The following UTRN variants were observed in gnomAD, a reference collection of about 807,000 sequenced individuals.
UTRN encodes the protein dystrophin-related protein 1.
UTRN carries 283 observed loss-of-function variants against 463.9 expected under a neutral mutation model. The ratio of observed to expected loss-of-function variants is 0.61; its 90% CI spans 0.55 to 0.67. The LOEUF (loss-of-function observed/expected upper bound fraction) is 0.67. Among genes scored for constraint, UTRN ranks in the 30% least tolerant of loss-of-function variants. The probability of loss-of-function intolerance (pLI) is 0.00; values close to 1 mark genes in which losing one functional copy is unlikely to be tolerated. For missense variants in UTRN, 3,922 were observed against 4,084.3 expected (o/e 0.96, Z 1.08); for synonymous variants, 1,442 against 1,431.5 (o/e 1.01, Z -0.17).
intron 53 of UTRN, among the ~76,000 whole-genome samples, chr6:144,709,632 A>C (rs377560987): frequency 6.6e-6 from 1 of 152,222 alleles, no homozygotes; most frequent in African/African-American, 2.4e-5. Context: ...TATTTCAAGC[A>C]ACACAATACT....
chr6:144,461,164 A>G, intron 21 of UTRN, 33 bp from the exon 22 acceptor site: 1 of 1,533,224 alleles, frequency 6.5e-7, no homozygotes, highest in Non-Finnish European at 8.8e-7. Context: ...TCCTAATATG[A>G]TTTTTTCAAA....
At chr6:144,657,061 A>AC in intron 51 of UTRN, among the ~76,000 whole-genome samples, 1 of 152,038 alleles carries the variant, frequency 6.6e-6, no homozygotes, top group South Asian at 2.1e-4. Flanking sequence ...GACCAGCCTG[A>AC]CGAACATGGA....
chr6:144,753,347 G>C (rs1195522189), intron 56 of UTRN, among the ~76,000 whole-genome samples: 1 of 152,190 alleles, frequency 6.6e-6, no homozygotes, highest in Non-Finnish European at 1.5e-5. Context: ...AGGCATGGGG[G>C]CTCTTGCCTG....
chr6:144,389,599 T>A (rs1329413700), intron 2 of UTRN, among the ~76,000 whole-genome samples: 2 of 147,470 alleles, frequency 1.4e-5, no homozygotes, highest in African/African-American at 5.2e-5. Context: ...TTCATTACTC[T>A]TTTTTTTTTC....
At chr6:144,518,410 C>T (rs1795816713) in intron 39 of UTRN, among the ~76,000 whole-genome samples, 1 of 152,210 alleles carries the variant, frequency 6.6e-6, no homozygotes, top group Admixed American at 6.5e-5. Context: ...GCTGTCACTT[C>T]CCATGTAGTA....
At chr6:144,847,809 C>G (rs1411177205) in intron 74 of UTRN, among the ~76,000 whole-genome samples, 3 of 152,170 alleles carry the variant, frequency 2.0e-5, no homozygotes, top group Non-Finnish European at 4.4e-5. Context: ...TTGTGTGACT[C>G]AGTTCCCACT....
At chr6:144,821,584 CA>C (rs1212519475) in intron 66 of UTRN, among the ~76,000 whole-genome samples, 1 of 151,648 alleles carries the variant, frequency 6.6e-6, no homozygotes, top group African/African-American at 2.4e-5. Flanking sequence ...AAAATTTATT[CA>C]AAGTGTATAA....
intron 12 of UTRN, 100 bp from the exon 13 acceptor site, chr6:144,440,252 G>A: frequency 1.7e-6 from 2 of 1,185,990 alleles, no homozygotes; most frequent in Non-Finnish European, 2.4e-6. Flanking sequence ...TAAATATGAT[G>A]CCTCATTAAC....
At position 144,519,320 on chromosome 6, in the gene UTRN, A is replaced by C. The variant is rs140860337; in HGVS notation, c.5541+2372A>C. 8.6e-3 allele frequency among the ~76,000 whole-genome samples: 1,306 copies of C among 152,236 alleles called. 8 individuals carry two copies. Among genetic ancestry groups the C allele is most frequent in the Middle Eastern group, 0.037 (11 of 294 alleles). ...TCAGGGGTTTCTGTTTTGGGATCTA[A>C]AAAGTTTTCATCCTCCAGAAAGTTG... On this transcript the variant is annotated intron_variant, in intron 39 of 74. Coordinates refer to ENST00000367545, the MANE Select transcript of UTRN (RefSeq NM_007124.3).
intron 52 of UTRN, among the ~76,000 whole-genome samples, chr6:144,683,879 T>C (rs1319177686): frequency 6.6e-6 from 1 of 152,076 alleles, no homozygotes; most frequent in African/African-American, 2.4e-5. Flanking sequence ...AGAGGGACAA[T>C]TGCCAGCCTC....
chr6:144,479,900 C>A lies in UTRN; in HGVS notation c.3425C>A (p.Thr1142Asn). The change falls in exon 26 of 75, where the codon ACC (threonine) becomes AAC (asparagine). Residue 1142 changes from threonine (T) to asparagine (N), a missense_variant. Coordinates refer to ENST00000367545, the MANE Select transcript of UTRN (RefSeq NM_007124.3). ...KDLAEMQEWM[T>N]QAEEEYLERD... ...TTGGCAGAGATGCAGGAATGGATGA[C>A]CCAGGCCGAGGAAGAATATTTGGAG... 2 of 1,614,078 alleles carry A rather than the reference C, an allele frequency of 1.2e-6. No homozygotes were observed. Among genetic ancestry groups the A allele is most frequent in the Non-Finnish European group, 1.7e-6 (2 of 1,180,012 alleles).
At chr6:144,439,683 A>G (rs1346903441) in intron 12 of UTRN, among the ~76,000 whole-genome samples, 1 of 152,072 alleles carries the variant, frequency 6.6e-6, no homozygotes, top group Non-Finnish European at 1.5e-5. Context: ...TTGTATTTTT[A>G]GTAAAGTCAG....
chr6:144,347,850 G>GTTTTTTTTTTTTT lies in UTRN; in HGVS notation c.80-55262_80-55261insTTTTTTTTTTTTT, dbSNP rs1340536493. On this transcript the variant is annotated intron_variant, in intron 2 of 74. Coordinates refer to ENST00000367545, the MANE Select transcript of UTRN (RefSeq NM_007124.3). ...GGCTTATTCTTTGTTTTTTTTTTTTGTTTTTTTTTTTGAGACTAAGTCTCG... is the reference window on the plus strand; with the variant it reads ...GGCTTATTCTTTGTTTTTTTTTTTTGTTTTTTTTTTTTTTTTTTTTTTTTGAGACTAAGTCTCG... 5.3e-4 allele frequency among the ~76,000 whole-genome samples: 68 copies of GTTTTTTTTTTTTT among 128,600 alleles called. 3 individuals are homozygous for GTTTTTTTTTTTTT. Among genetic ancestry groups the GTTTTTTTTTTTTT allele is most frequent in the African/African-American group, 2.3e-3 (68 of 29,752 alleles). 84.4% of individuals were successfully genotyped at this position (128,600 alleles called of 152,430 possible).
intron 66 of UTRN, among the ~76,000 whole-genome samples, chr6:144,822,374 A>G (rs1779677229): frequency 6.6e-6 from 1 of 152,086 alleles, no homozygotes. Flanking sequence ...AAGAAATACA[A>G]TGCAAATGCA....
At position 144,438,822 on chromosome 6, in the gene UTRN, G is replaced by T; in HGVS notation, c.1319G>T (p.Arg440Leu). The change falls in exon 12 of 75, where the codon CGC becomes CTC. Residue 440 changes from arginine to leucine, a missense_variant. This residue lies in a region of UTRN where 2,349 missense variants were observed against 2,303.8 expected (regional missense o/e 1.02). Transcript: ENST00000367545. ...GCCTGGTTAACACTCACAGAGGAGCGCATTCAGAAGATGGAAACTTGCCCC... is the reference window on the plus strand; with the variant it reads ...GCCTGGTTAACACTCACAGAGGAGCTCATTCAGAAGATGGAAACTTGCCCC... ...LSAWLTLTEERIQKMETCPLD... is the reference protein window; with the variant it reads ...LSAWLTLTEELIQKMETCPLD... 2 of 1,614,164 alleles carry T rather than the reference G, an allele frequency of 1.2e-6. No individual in the cohort carries two copies. Among genetic ancestry groups the T allele is most frequent in the Non-Finnish European group, 1.7e-6 (2 of 1,180,016 alleles).
chr6:144,678,644 A>G (rs568856460), intron 52 of UTRN, 66 bp downstream of exon 52: 15 of 1,419,502 alleles, frequency 1.1e-5, no homozygotes, highest in African/African-American at 8.6e-5. Context: ...TGATTTTTGT[A>G]TATCAGAAAG....
intron 3 of UTRN, among the ~76,000 whole-genome samples, chr6:144,418,903 G>A (rs1784592311): frequency 6.6e-6 from 1 of 152,068 alleles, no homozygotes; most frequent in Non-Finnish European, 1.5e-5. Flanking sequence ...GATTTGAGAA[G>A]GGTTTCAGGC....
intron 18 of UTRN, among the ~76,000 whole-genome samples, chr6:144,451,989 G>A (rs2128557476): frequency 6.6e-6 from 1 of 152,302 alleles, no homozygotes; most frequent in South Asian, 2.1e-4. Flanking sequence ...TCTGAAGAGT[G>A]TGATGGGAAC....
chr6:144,847,415 G>GT (rs1281793032), intron 74 of UTRN, among the ~76,000 whole-genome samples: 2 of 148,416 alleles, frequency 1.3e-5, no homozygotes, highest in African/African-American at 4.9e-5. Flanking sequence ...GTTTTGTTTT[G>GT]TTTTTTGTTT....
Sources: gnomAD v4.1 joint callset for allele counts (sites outside exome capture counted in the v4.1 genomes callset) on GRCh38, gnomAD v4.1.1 for gene constraint, gnomAD v4.1.1 regional missense constraint, MANE v1.5 for transcripts, NCBI Gene and HGNC (gene_info 2026-07-23, HGNC 2026-07-21) for gene names.